The following CHODL variants were observed in gnomAD, a reference collection of about 807,000 sequenced individuals.
CHODL encodes the protein chondrolectin.
In CHODL, 29 loss-of-function variants were observed where a neutral mutation model predicts 34.5. That is an observed-to-expected ratio of 0.84 (90% CI 0.63 to 1.15). The LOEUF is 1.15. CHODL is among the 50% of genes most tolerant of loss of function. The probability of loss-of-function intolerance (pLI) is 0.00; values close to 1 mark genes in which losing one functional copy is unlikely to be tolerated. For synonymous variants in CHODL, 125 were observed against 116.1 expected, an observed-to-expected ratio of 1.08 and a Z score of -0.49; for missense variants, 332 against 332.5, an observed-to-expected ratio of 1.00 and a Z score of 0.01.
intron 2 of CHODL, among the ~76,000 whole-genome samples, chr21:18,196,377 T>C (rs1276339161): frequency 3.9e-5 from 6 of 152,346 alleles, no homozygotes; most frequent in South Asian, 4.1e-4. Context: ...AATTTTTTCC[T>C]GTTACTGAGG....
At chr21:17,923,150 C>T (rs1015932845) in intron 1 of CHODL, among the ~76,000 whole-genome samples, 1 of 152,166 alleles carries the variant, frequency 6.6e-6, no homozygotes, top group Non-Finnish European at 1.5e-5. Context: ...GAATGGGAGG[C>T]AGGTTTGCCC....
chr21:18,265,279 G>A lies in CHODL; in HGVS notation c.738-675G>A, dbSNP rs868283997. Reference sequence around the variant, plus strand: ...TATATGTGTATATATATATGTGTGTGTATATATATACACACACACACACAC... The same window carrying A: ...TATATGTGTATATATATATGTGTGTATATATATATACACACACACACACAC... On this transcript the variant is annotated intron_variant, in intron 5 of 5. Coordinates refer to ENST00000299295, the MANE Select transcript of CHODL (RefSeq NM_024944.3). Among the ~76,000 whole-genome samples the A allele has an allele frequency of 6.8e-3, 932 of 136,746 alleles. 12 individuals are homozygous for A. Among genetic ancestry groups the A allele is most frequent in the African/African-American group, 0.027 (873 of 32,490 alleles). The allele number at this position is 136,746 out of a possible 152,430, so 89.7% of individuals were successfully genotyped here. A position where few individuals can be genotyped will look rare whatever the true frequency, so the allele number is the denominator to read the frequency against.
At chr21:18,255,013 A>G (rs1033346203) in intron 1 of CHODL, among the ~76,000 whole-genome samples, 2 of 152,100 alleles carry the variant, frequency 1.3e-5, no homozygotes, top group African/African-American at 4.8e-5. Flanking sequence ...GATTTTCAGT[A>G]TACTACAAAT....
At chr21:17,928,165 T>C (rs2063243596) in intron 1 of CHODL, among the ~76,000 whole-genome samples, 1 of 152,256 alleles carries the variant, frequency 6.6e-6, no homozygotes, top group Admixed American at 6.5e-5. Context: ...TATCAAGCAC[T>C]TATTCTTTGC....
At chr21:18,127,883 G>C (rs1403760070) in intron 2 of CHODL, among the ~76,000 whole-genome samples, 1 of 151,834 alleles carries the variant, frequency 6.6e-6, no homozygotes, top group Non-Finnish European at 1.5e-5. Context: ...CCGTCAAACA[G>C]ACCAACATAA....
At chr21:18,018,617 A>G (rs2064097996) in intron 1 of CHODL, among the ~76,000 whole-genome samples, 1 of 152,200 alleles carries the variant, frequency 6.6e-6, no homozygotes, top group African/African-American at 2.4e-5. Context: ...AGTTTCCTGC[A>G]CAGCCTGCAG....
intron 1 of CHODL, among the ~76,000 whole-genome samples, chr21:17,943,076 A>G (rs911933478): frequency 6.6e-6 from 1 of 152,152 alleles, no homozygotes; most frequent in Non-Finnish European, 1.5e-5. Context: ...TGAGTCTATT[A>G]AACCTCTTTT....
chr21:18,123,348 CCTT>C (rs1176335103), intron 2 of CHODL, among the ~76,000 whole-genome samples: 7 of 152,188 alleles, frequency 4.6e-5, no homozygotes, highest in Non-Finnish European at 1.0e-4. Context: ...GACAAACAAA[CCTT>C]CTTATTAAGG....
chr21:18,232,941 T>TTATATATATATACATA (rs752640406), intron 2 of CHODL, among the ~76,000 whole-genome samples: 1 of 97,620 alleles, frequency 1.0e-5, no homozygotes, highest in African/African-American at 5.3e-5. Context: ...CATGATGTTA[T>TTATATATATATACATA]GATATATATA....
At chr21:18,083,206 C>A (rs563801361) in intron 2 of CHODL, among the ~76,000 whole-genome samples, 232 of 152,326 alleles carry the variant, frequency 1.5e-3, no homozygotes, top group African/African-American at 5.4e-3. Context: ...TCAGAGGGTG[C>A]AAGCCCCAAG....
At chr21:18,171,428 C>T (rs2073230331) in intron 2 of CHODL, among the ~76,000 whole-genome samples, 1 of 150,604 alleles carries the variant, frequency 6.6e-6, no homozygotes, top group Admixed American at 6.6e-5. Context: ...AGGATGGTCT[C>T]GATCTCCTGA....
At chr21:18,095,005 C>T (rs907928297) in intron 2 of CHODL, among the ~76,000 whole-genome samples, 1 of 151,470 alleles carries the variant, frequency 6.6e-6, no homozygotes, top group Non-Finnish European at 1.5e-5. Flanking sequence ...ATGCCTGTAG[C>T]CCCAGCTACT....
At chr21:18,150,994 A>T (rs2072958264) in intron 2 of CHODL, among the ~76,000 whole-genome samples, 1 of 150,520 alleles carries the variant, frequency 6.6e-6, no homozygotes, top group Non-Finnish European at 1.5e-5. Context: ...TGAGGCAGCA[A>T]ATTGCTTGAA....
At chr21:18,250,595 A>T (rs190311571) in intron 1 of CHODL, among the ~76,000 whole-genome samples, 1 of 152,052 alleles carries the variant, frequency 6.6e-6, no homozygotes, top group Non-Finnish European at 1.5e-5. Context: ...AAAAATTTTA[A>T]GAAGTTGGTG....
chr21:18,200,982 G>T (rs1359827283), intron 2 of CHODL, among the ~76,000 whole-genome samples: 1 of 152,128 alleles, frequency 6.6e-6, no homozygotes, highest in Non-Finnish European at 1.5e-5. Context: ...ACAGAGCCCT[G>T]CCAACTCCTT....
intron 2 of CHODL, among the ~76,000 whole-genome samples, chr21:18,080,414 G>A (rs900447987): frequency 1.4e-4 from 21 of 152,168 alleles, no homozygotes; most frequent in African/African-American, 4.3e-4. Flanking sequence ...CAAGGCCAAT[G>A]TCCAGAAGAG....
intron 1 of CHODL, among the ~76,000 whole-genome samples, chr21:17,976,925 C>T (rs552503606): frequency 6.6e-6 from 1 of 152,124 alleles, no homozygotes; most frequent in East Asian, 1.9e-4. Context: ...GCTTTCCAGA[C>T]AGATTTAAAT....
chr21:18,251,418 A>T (rs938809811), intron 1 of CHODL, among the ~76,000 whole-genome samples: 1 of 129,696 alleles, frequency 7.7e-6, no homozygotes, highest in Non-Finnish European at 1.6e-5. Flanking sequence ...TATTTTATTT[A>T]TTTTATTTAT....
chr21:18,193,372 A>G (rs1328308488), intron 2 of CHODL, among the ~76,000 whole-genome samples: 1 of 152,142 alleles, frequency 6.6e-6, no homozygotes, highest in Non-Finnish European at 1.5e-5. Flanking sequence ...TACTCAAAGC[A>G]TTTCGTAGAA....
Sources: gnomAD v4.1 joint callset for allele counts (sites outside exome capture counted in the v4.1 genomes callset) on GRCh38, gnomAD v4.1.1 for gene constraint, MANE v1.5 for transcripts, NCBI Gene and HGNC (gene_info 2026-07-23, HGNC 2026-07-21) for gene names.